Variants in PREX1 observed in about 807,000 individuals in gnomAD.
PREX1 encodes phosphatidylinositol 3,4,5-trisphosphate-dependent Rac exchanger 1 protein.
A neutral mutation model predicts 198.3 loss-of-function variants in PREX1; 41 were observed. The ratio of observed to expected loss-of-function variants is 0.21; its 90% CI spans 0.16 to 0.27. The LOEUF is 0.27. PREX1 is among the 10% of genes least tolerant of loss of function. The probability of loss-of-function intolerance (pLI) is 1.00; values close to 1 mark genes in which losing one functional copy is unlikely to be tolerated. For missense variants in PREX1, 1,620 were observed against 2,200.7 expected (o/e 0.74, Z 5.28); for synonymous variants, 843 against 887.2 (o/e 0.95, Z 0.89).
the PREX1 span, among the ~76,000 whole-genome samples, chr20:48,869,034 G>T: frequency 6.6e-6 from 1 of 151,884 alleles, no homozygotes; most frequent in African/African-American, 2.4e-5. Flanking sequence ...GTGCCACCAT[G>T]CCTGGCTAAT....
At chr20:48,885,994 TTA>T in the PREX1 span, among the ~76,000 whole-genome samples, 1 of 152,192 alleles carries the variant, frequency 6.6e-6, no homozygotes, top group Non-Finnish European at 1.5e-5. Flanking sequence ...ATACATGCCA[TTA>T]TATGTTTGTC....
chr20:48,782,522 C>T (rs890658070), intron 1 of PREX1, among the ~76,000 whole-genome samples: 11 of 152,168 alleles, frequency 7.2e-5, no homozygotes, highest in Admixed American at 2.0e-4. Flanking sequence ...GACTAATACA[C>T]CCATATATCC....
chr20:48,850,035 T>A, the PREX1 span, among the ~76,000 whole-genome samples: 1 of 152,216 alleles, frequency 6.6e-6, no homozygotes, highest in Non-Finnish European at 1.5e-5. Flanking sequence ...AAGATGGGAA[T>A]AATAATAGTA....
At chr20:48,883,593 G>A in the PREX1 span, among the ~76,000 whole-genome samples, 1 of 151,980 alleles carries the variant, frequency 6.6e-6, no homozygotes, top group South Asian at 2.1e-4. Flanking sequence ...TCTATGAAGT[G>A]TCAATGAAAA....
intron 4 of PREX1, among the ~76,000 whole-genome samples, chr20:48,731,362 C>A (rs2090034051): frequency 6.6e-6 from 1 of 152,216 alleles, no homozygotes; most frequent in Admixed American, 6.5e-5. Flanking sequence ...TATTTTACAT[C>A]CTCCAGAGAA....
the PREX1 span, among the ~76,000 whole-genome samples, chr20:48,871,878 G>A: frequency 6.6e-6 from 1 of 151,818 alleles, no homozygotes; most frequent in African/African-American, 2.4e-5. Flanking sequence ...AGGGCACCTC[G>A]GCCGGGCGTG....
At chr20:48,760,193 G>A (rs1193531665) in intron 1 of PREX1, among the ~76,000 whole-genome samples, 1 of 151,998 alleles carries the variant, frequency 6.6e-6, no homozygotes, top group Non-Finnish European at 1.5e-5. Flanking sequence ...CCCTGGTGCA[G>A]GTAGACAGAA....
the PREX1 span, among the ~76,000 whole-genome samples, chr20:48,858,277 A>T: frequency 6.6e-6 from 1 of 151,606 alleles, no homozygotes; most frequent in Non-Finnish European, 1.5e-5. Flanking sequence ...CGGGCATGTG[A>T]CTCTGTCTCG....
chr20:48,846,002 CTT>C, the PREX1 span, among the ~76,000 whole-genome samples: 1 of 152,214 alleles, frequency 6.6e-6, no homozygotes, highest in African/African-American at 2.4e-5. Flanking sequence ...ACAGCTAACA[CTT>C]TGATAGTAGA....
chr20:48,812,837 G>A (rs1039480297), intron 1 of PREX1, among the ~76,000 whole-genome samples: 1 of 152,178 alleles, frequency 6.6e-6, no homozygotes, highest in Non-Finnish European at 1.5e-5. Context: ...TGCTGATGGA[G>A]AGCATTTAGC....
chr20:48,887,945 G>A, the PREX1 span, among the ~76,000 whole-genome samples: 1 of 151,840 alleles, frequency 6.6e-6, no homozygotes, highest in East Asian at 1.9e-4. Flanking sequence ...GTGAGATTCC[G>A]TCTCAAAAAA....
At chr20:48,778,585 G>A (rs1309867020) in intron 1 of PREX1, among the ~76,000 whole-genome samples, 8 of 151,434 alleles carry the variant, frequency 5.3e-5, no homozygotes, top group African/African-American at 9.7e-5. Context: ...GTGAGACTCC[G>A]TCTCTAAAAA....
In PREX1 at chr20:48,708,470, CAG is replaced by C. The variant is rs528732178; in HGVS notation, c.622-51_622-50del. On this transcript the variant is annotated intron_variant, in intron 5 of 39. Coordinates refer to ENST00000371941, the MANE Select transcript of PREX1 (RefSeq NM_020820.4). Reference sequence around the variant, plus strand: ...GAAGAAAGCAAGACATCAATCAATCCAGAGGAGACCCAGGCCAGAGCTGAACC... The same window carrying C: ...GAAGAAAGCAAGACATCAATCAATCCAGGAGACCCAGGCCAGAGCTGAACC... 274 of 1,590,656 alleles carry C rather than the reference CAG, an allele frequency of 1.7e-4. 5 individuals are homozygous for C. The South Asian group carries it at 2.9e-3, about 17-fold the overall frequency.
chr20:48,688,718 C>T lies in PREX1; in HGVS notation c.1273G>A (p.Val425Met). 1 of 1,614,164 alleles carries T rather than the reference C, an allele frequency of 6.2e-7. No homozygotes were observed. Among genetic ancestry groups the T allele is most frequent in the Non-Finnish European group, 8.5e-7 (1 of 1,180,018 alleles). ...KLYHMMMNKK[V>M]NLIKDRRRKL... The stretch of plus-strand genomic sequence containing the variant: ...CTCCGGCGGTCCTTGATGAGGTTCA[C>T]CTTCTTGTTCATCATCATGTGGTAC... The change falls in exon 10 of 40, where the codon GTG becomes ATG. Residue 425 changes from valine (V) to methionine (M), a missense_variant. Coordinates refer to ENST00000371941, the MANE Select transcript of PREX1 (RefSeq NM_020820.4).
chr20:48,726,833 A>G (rs2090012811), intron 4 of PREX1, among the ~76,000 whole-genome samples: 1 of 152,226 alleles, frequency 6.6e-6, no homozygotes, highest in South Asian at 2.1e-4. Context: ...CGCGACCTAA[A>G]TATCCATCAC....
intron 1 of PREX1, among the ~76,000 whole-genome samples, chr20:48,811,597 CTCTACTGACAAG>C: frequency 2.6e-5 from 4 of 151,356 alleles, no homozygotes; most frequent in African/African-American, 9.7e-5. Context: ...TGTGCATGCA[CTCTACTGACAAG>C]ACCTGGATAC....
At chr20:48,880,094 T>C in the PREX1 span, among the ~76,000 whole-genome samples, 1 of 152,232 alleles carries the variant, frequency 6.6e-6, no homozygotes, top group African/African-American at 2.4e-5. Flanking sequence ...CAAGACACAG[T>C]TTAACTTTTT....
intron 1 of PREX1, among the ~76,000 whole-genome samples, chr20:48,757,823 T>C (rs564218238): frequency 1.8e-4 from 27 of 152,288 alleles, no homozygotes; most frequent in African/African-American, 6.0e-4. Context: ...CCTATAGAAA[T>C]GTTGGAGGCC....
intron 1 of PREX1, among the ~76,000 whole-genome samples, chr20:48,768,873 G>T (rs1425833704): frequency 6.6e-6 from 1 of 152,122 alleles, no homozygotes; most frequent in Non-Finnish European, 1.5e-5. Flanking sequence ...TCTTCACCTG[G>T]TGGTGATGCA....
Sources: gnomAD v4.1 joint callset for allele counts (sites outside exome capture counted in the v4.1 genomes callset) on GRCh38, gnomAD v4.1.1 for gene constraint, MANE v1.5 for transcripts, NCBI Gene and HGNC (gene_info 2026-07-23, HGNC 2026-07-21) for gene names.